Variants in RBFOX1 observed in about 807,000 individuals in gnomAD.
RBFOX1 encodes RNA binding protein fox-1 homolog 1.
A neutral mutation model predicts 57.7 loss-of-function variants in RBFOX1; 8 were observed. The ratio of observed to expected loss-of-function variants is 0.14; its 90% confidence interval spans 0.08 to 0.25. The LOEUF (loss-of-function observed/expected upper bound fraction) is 0.25. RBFOX1 is among the 10% of genes least tolerant of loss of function. The probability of loss-of-function intolerance (pLI) is 1.00; values close to 1 mark genes in which losing one functional copy is unlikely to be tolerated. For synonymous variants in RBFOX1, 326 were observed against 222.4 expected (o/e 1.47, Z -4.15); for missense variants, 611 against 548.5 (o/e 1.11, Z -1.14).
At chr16:6,715,418 A>C (rs2064595957) in intron 3 of RBFOX1, among the ~76,000 whole-genome samples, 1 of 152,162 alleles carries the variant, frequency 6.6e-6, no homozygotes, top group South Asian at 2.1e-4. Context: ...GATGCCATTT[A>C]ACATAGCAAG....
chr16:5,396,580 TG>T (rs2066562807), intron 1 of RBFOX1, among the ~76,000 whole-genome samples: 2 of 152,168 alleles, frequency 1.3e-5, no homozygotes, highest in African/African-American at 4.8e-5. Context: ...CGGCAGAGGT[TG>T]CAGTGAGCTG....
intron 2 of RBFOX1, among the ~76,000 whole-genome samples, chr16:6,368,583 G>C (rs965896912): frequency 6.6e-6 from 1 of 152,108 alleles, no homozygotes; most frequent in Non-Finnish European, 1.5e-5. Flanking sequence ...TATGATCTGA[G>C]CTTCCACTCA....
intron 3 of RBFOX1, among the ~76,000 whole-genome samples, chr16:6,844,478 C>A (rs1430488667): frequency 6.6e-6 from 1 of 152,126 alleles, no homozygotes; most frequent in South Asian, 2.1e-4. Context: ...TAGTTATCTT[C>A]CAACTCCATC....
chr16:5,814,399 TC>T (rs1016291463), intron 3 of RBFOX1, among the ~76,000 whole-genome samples: 1 of 152,172 alleles, frequency 6.6e-6, no homozygotes, highest in African/African-American at 2.4e-5. Context: ...ACCAACTTTT[TC>T]CCTCTTCCGA....
intron 3 of RBFOX1, among the ~76,000 whole-genome samples, chr16:7,027,606 C>G (rs1373627642): frequency 6.6e-6 from 1 of 152,074 alleles, no homozygotes; most frequent in African/African-American, 2.4e-5. Flanking sequence ...AGCCAGGGAA[C>G]AAGAATGCAT....
At chr16:6,071,668 C>T (rs866058050) in intron 1 of RBFOX1, among the ~76,000 whole-genome samples, 33 of 152,168 alleles carry the variant, frequency 2.2e-4, no homozygotes, top group African/African-American at 8.0e-4. Context: ...ATAAGCACTA[C>T]GTTGTACAGT....
intron 3 of RBFOX1, among the ~76,000 whole-genome samples, chr16:5,692,328 G>A (rs942593378): frequency 1.3e-5 from 2 of 152,020 alleles, no homozygotes; most frequent in African/African-American, 4.8e-5. Context: ...GGAACTGCAG[G>A]CAGCCTCTAG....
chr16:6,062,958 G>A (rs1380020185), intron 1 of RBFOX1, among the ~76,000 whole-genome samples: 1 of 152,108 alleles, frequency 6.6e-6, no homozygotes, highest in Non-Finnish European at 1.5e-5. Context: ...TCCTTCTCCA[G>A]AAAACCCATC....
At chr16:5,848,393 A>G (rs1354546984) in intron 3 of RBFOX1, among the ~76,000 whole-genome samples, 1 of 152,168 alleles carries the variant, frequency 6.6e-6, no homozygotes, top group Non-Finnish European at 1.5e-5. Context: ...CACTGAGGTT[A>G]ACAGGGGTTC....
At chr16:5,743,419 A>G (rs2052854225) in intron 3 of RBFOX1, among the ~76,000 whole-genome samples, 1 of 152,184 alleles carries the variant, frequency 6.6e-6, no homozygotes, top group African/African-American at 2.4e-5. Flanking sequence ...GTCCCGTGGA[A>G]GGAGGAGTCT....
intron 2 of RBFOX1, among the ~76,000 whole-genome samples, chr16:6,516,991 G>T (rs1439311804): frequency 6.6e-6 from 1 of 152,162 alleles, no homozygotes; most frequent in East Asian, 1.9e-4. Flanking sequence ...TAGGTCAGAA[G>T]CTGTGAGCAT....
At chr16:6,621,490 A>ACAG (rs1241125167) in intron 2 of RBFOX1, among the ~76,000 whole-genome samples, 1 of 151,954 alleles carries the variant, frequency 6.6e-6, no homozygotes, top group Non-Finnish European at 1.5e-5. Context: ...AACAACAACA[A>ACAG]CAAAACAGTA....
At chr16:6,068,643 A>G (rs530951305) in intron 1 of RBFOX1, among the ~76,000 whole-genome samples, 1 of 152,192 alleles carries the variant, frequency 6.6e-6, no homozygotes, top group Non-Finnish European at 1.5e-5. Context: ...GGACCCATTT[A>G]GATTAAGTAA....
chr16:7,244,382 C>A (rs1465434950), intron 4 of RBFOX1, among the ~76,000 whole-genome samples: 1 of 152,100 alleles, frequency 6.6e-6, no homozygotes, highest in Non-Finnish European at 1.5e-5. Flanking sequence ...TCCCCATGGA[C>A]CATGCTGGTC....
intron 4 of RBFOX1, among the ~76,000 whole-genome samples, chr16:7,091,018 A>C (rs2151108799): frequency 6.6e-6 from 1 of 152,294 alleles, no homozygotes. Flanking sequence ...CTACTCATCT[A>C]ATTCACAAAC....
At chr16:7,656,867 G>A (rs1335759900) in intron 12 of RBFOX1, among the ~76,000 whole-genome samples, 2 of 152,120 alleles carry the variant, frequency 1.3e-5, no homozygotes, top group East Asian at 1.9e-4. Flanking sequence ...TTTACAGAAG[G>A]CATCCCAGAA....
At chr16:7,482,589 T>C (rs2151273163) in intron 4 of RBFOX1, among the ~76,000 whole-genome samples, 1 of 143,498 alleles carries the variant, frequency 7.0e-6, no homozygotes, top group South Asian at 2.3e-4. Flanking sequence ...CATGAAGATA[T>C]TGCCTAGCCT....
chr16:6,370,362 G>GAAAAAAA (rs71145221), intron 2 of RBFOX1, among the ~76,000 whole-genome samples: 7 of 82,004 alleles, frequency 8.5e-5, no homozygotes, highest in East Asian at 4.5e-4. Context: ...CGTCTCAAAA[G>GAAAAAAA]AAAAAAAAAA....
At chr16:5,707,605 C>G (rs956723855) in intron 3 of RBFOX1, among the ~76,000 whole-genome samples, 3 of 152,216 alleles carry the variant, frequency 2.0e-5, no homozygotes, top group African/African-American at 7.2e-5. Flanking sequence ...TATTTAAAGG[C>G]ACAGTTTCCA....
Sources: gnomAD v4.1 joint callset for allele counts (sites outside exome capture counted in the v4.1 genomes callset) on GRCh38, gnomAD v4.1.1 for gene constraint, MANE v1.5 for transcripts, NCBI Gene and HGNC (gene_info 2026-07-23, HGNC 2026-07-21) for gene names.